ADGRB3: variants seen among roughly 807,000 people sequenced by gnomAD.
ADGRB3 encodes brain-specific angiogenesis inhibitor 3.
Under a neutral mutation model 193.4 loss-of-function variants are expected in ADGRB3, and 37 were observed. That is an observed-to-expected ratio of 0.19 (90% CI 0.15 to 0.25). ADGRB3 has a LOEUF of 0.25. Among genes scored for constraint, ADGRB3 ranks in the 10% least tolerant of loss-of-function variants. The pLI is 1.00. For missense variants in ADGRB3, 1,637 were observed against 1,852.9 expected (o/e 0.88, Z 2.14); for synonymous variants, 690 against 644.2 (o/e 1.07, Z -1.08).
rs756441678 is a variant in ADGRB3 at position 68,944,039 on chromosome 6, T to A, written c.1195+45T>A. 5.1e-6 allele frequency: 8 copies of A among 1,555,980 alleles called. No individual in the cohort carries two copies. The South Asian group carries it at 9.4e-5, about 18-fold the overall frequency. ...GGTTATGTTTGCATTATGTGCTTTT[T>A]ATATGATTCCTAGTGTACACAAGAA... On this transcript the variant is annotated intron_variant, in intron 6 of 31. Coordinates refer to ENST00000370598, the MANE Select transcript of ADGRB3 (RefSeq NM_001704.3).
chr6:69,193,250 G>A (rs905234379), intron 17 of ADGRB3, among the ~76,000 whole-genome samples: 1 of 152,026 alleles, frequency 6.6e-6, no homozygotes, highest in South Asian at 2.1e-4. Context: ...GCCAGCTCCT[G>A]CCTACTTCTT....
intron 3 of ADGRB3, among the ~76,000 whole-genome samples, chr6:68,796,748 A>C (rs1031792466): frequency 6.6e-6 from 1 of 152,124 alleles, no homozygotes; most frequent in African/African-American, 2.4e-5. Context: ...TCTTTCTGGA[A>C]ATGAAATAAA....
At chr6:69,089,226 A>T (rs1345958696) in intron 17 of ADGRB3, among the ~76,000 whole-genome samples, 1 of 152,196 alleles carries the variant, frequency 6.6e-6, no homozygotes, top group Non-Finnish European at 1.5e-5. Flanking sequence ...TGTCTGCAGG[A>T]CAGAAATCAG....
chr6:69,357,955 T>G (rs556237608), intron 28 of ADGRB3, among the ~76,000 whole-genome samples: 2 of 152,074 alleles, frequency 1.3e-5, no homozygotes, highest in African/African-American at 4.8e-5. Flanking sequence ...TGGTGCCAAT[T>G]TCCACATCTA....
In ADGRB3 at chr6:68,772,844, C is replaced by T. The variant is rs149661078; in HGVS notation, c.757+133412C>T. On this transcript the variant is annotated intron_variant, in intron 3 of 31. Coordinates refer to ENST00000370598, the MANE Select transcript of ADGRB3 (RefSeq NM_001704.3). ...ACCACCCTGGGCAACATGGTGAAAA[C>T]CTATTTCTAAAAACAAACAAACAAA... is the stretch of plus-strand genomic sequence containing the variant. 4.5e-3 allele frequency among the ~76,000 whole-genome samples: 557 copies of T among 122,546 alleles called. 5 individuals are homozygous for T. Among genetic ancestry groups the T allele is most frequent in the African/African-American group, 0.015 (515 of 33,860 alleles). The allele number at this position is 122,546 out of a possible 152,430, so 80.4% of individuals were successfully genotyped here.
At chr6:68,954,142 A>G in intron 6 of ADGRB3, among the ~76,000 whole-genome samples, 1 of 152,182 alleles carries the variant, frequency 6.6e-6, no homozygotes, top group Admixed American at 6.5e-5. Context: ...TTATAATTAC[A>G]TCCCCAGTAG....
chr6:69,065,873 G>GA (rs1347603728), intron 16 of ADGRB3, among the ~76,000 whole-genome samples: 4 of 149,508 alleles, frequency 2.7e-5, no homozygotes, highest in Non-Finnish European at 5.9e-5. Flanking sequence ...AAAATATTTG[G>GA]AAAAAAATGA....
At chr6:68,739,283 G>A (rs1306963770) in intron 3 of ADGRB3, among the ~76,000 whole-genome samples, 2 of 152,158 alleles carry the variant, frequency 1.3e-5, no homozygotes, top group Non-Finnish European at 2.9e-5. Flanking sequence ...TTGGAAAAAA[G>A]AACTGGCAAA....
intron 13 of ADGRB3, among the ~76,000 whole-genome samples, chr6:69,043,822 A>G (rs1771157610): frequency 6.6e-6 from 1 of 152,230 alleles, no homozygotes; most frequent in Non-Finnish European, 1.5e-5. Context: ...CATGGAATTT[A>G]TCTTTCAAGC....
At chr6:69,175,615 G>A (rs1775399532) in intron 17 of ADGRB3, among the ~76,000 whole-genome samples, 2 of 152,030 alleles carry the variant, frequency 1.3e-5, no homozygotes, top group African/African-American at 4.8e-5. Flanking sequence ...ATTGCTTCGA[G>A]TATTCAGGCT....
chr6:68,868,540 A>G (rs1198504925), intron 3 of ADGRB3, among the ~76,000 whole-genome samples: 1 of 152,212 alleles, frequency 6.6e-6, no homozygotes, highest in Non-Finnish European at 1.5e-5. Flanking sequence ...TTTTAACCAA[A>G]TCCACAAAAC....
intron 3 of ADGRB3, among the ~76,000 whole-genome samples, chr6:68,720,333 A>G (rs1365792157): frequency 1.3e-5 from 2 of 151,608 alleles, no homozygotes; most frequent in Non-Finnish European, 2.9e-5. Flanking sequence ...TCCATGGCAC[A>G]CCTCCCTGAT....
At chr6:69,207,586 A>G (rs1181943578) in intron 17 of ADGRB3, among the ~76,000 whole-genome samples, 1 of 152,176 alleles carries the variant, frequency 6.6e-6, no homozygotes, top group Non-Finnish European at 1.5e-5. Context: ...ACAGTACCAT[A>G]TATTGGATGC....
chr6:69,193,313 T>C (rs967889579), intron 17 of ADGRB3, among the ~76,000 whole-genome samples: 1 of 152,174 alleles, frequency 6.6e-6, no homozygotes, highest in Non-Finnish European at 1.5e-5. Flanking sequence ...TGGCAGGTAC[T>C]TGTCAGCAAG....
At position 68,993,788 on chromosome 6, in the gene ADGRB3, G is replaced by A. The variant is rs577564216; in HGVS notation, c.1755G>A (p.Lys585=). ...LQHSIKEHLA[K]GQRMLAGDGM... ...CACAGATTAAAGAGCACCTTGCTAA[G>A]GGGCAGCGAATGCTGGCAGGTGATG... The change falls in exon 11 of 32, where the codon AAG becomes AAA. Residue 585 remains lysine (K), a synonymous_variant. Coordinates refer to ENST00000370598, the MANE Select transcript of ADGRB3 (RefSeq NM_001704.3). 1.2e-5 allele frequency: 20 copies of A among 1,613,692 alleles called. No homozygotes were observed. The highest frequency in any genetic ancestry group is 1.7e-5 in the Admixed American group (1 of 60,016).
chr6:68,910,538 G>A (rs1352180153), intron 3 of ADGRB3, among the ~76,000 whole-genome samples: 1 of 152,128 alleles, frequency 6.6e-6, no homozygotes, highest in Non-Finnish European at 1.5e-5. Flanking sequence ...TATGGTTTTA[G>A]GTCTAACATT....
At position 69,127,912 on chromosome 6, in the gene ADGRB3, T is replaced by TG. The variant is rs1561927754; in HGVS notation, c.2480+51874_2480+51875insG. Among the ~76,000 whole-genome samples the TG allele has an allele frequency of 8.8e-4, 122 of 139,388 alleles. 1 individual carries two copies. Among genetic ancestry groups the TG allele is most frequent in the East Asian group, 7.9e-3 (32 of 4,050 alleles). The allele number at this position is 139,388 out of a possible 152,430, so 91.4% of individuals were successfully genotyped here. ...AGATAATAGTTTTTTTTTTGTTTTT[T>TG]TTTTCTGGCATGGCATTTGGACATA... On this transcript the variant is annotated intron_variant, in intron 17 of 31. Transcript: ENST00000370598.
intron 17 of ADGRB3, among the ~76,000 whole-genome samples, chr6:69,159,357 A>T (rs1774927539): frequency 6.6e-6 from 1 of 152,122 alleles, no homozygotes; most frequent in Non-Finnish European, 1.5e-5. Context: ...ATTTATTTTT[A>T]AAATTCTTCA....
chr6:68,868,545 C>T, intron 3 of ADGRB3, among the ~76,000 whole-genome samples: 1 of 152,150 alleles, frequency 6.6e-6, no homozygotes, highest in East Asian at 1.9e-4. Context: ...ACCAAATCCA[C>T]AAAACTGGTT....
Sources: allele counts gnomAD v4.1 joint callset (sites outside exome capture counted in the v4.1 genomes callset), GRCh38; gene constraint gnomAD v4.1.1; transcripts MANE v1.5; gene names NCBI Gene and HGNC (gene_info 2026-07-23, HGNC 2026-07-21).